ACKR2: variants seen among roughly 807,000 people sequenced by gnomAD.
The protein encoded by ACKR2 is C-C chemokine receptor D6.
For synonymous variants in ACKR2, 207 were observed against 192.2 expected (o/e 1.08, Z -0.64); for missense variants, 457 against 477.3 (o/e 0.96, Z 0.40).
At chr3:42,832,611 C>A (rs1039919867) in intron 2 of ACKR2, among the ~76,000 whole-genome samples, 1 of 152,148 alleles carries the variant, frequency 6.6e-6, no homozygotes, top group Non-Finnish European at 1.5e-5. Context: ...ACTCCATCAC[C>A]GCATACGGAA....
chr3:42,830,474 G>T (rs544697033), intron 2 of ACKR2, among the ~76,000 whole-genome samples: 1 of 152,134 alleles, frequency 6.6e-6, no homozygotes, highest in South Asian at 2.1e-4. Flanking sequence ...CCCTAAAAGT[G>T]GCAAAATCTT....
chr3:42,823,586 T>TA (rs914740039), intron 2 of ACKR2, among the ~76,000 whole-genome samples: 2 of 152,196 alleles, frequency 1.3e-5, no homozygotes, highest in African/African-American at 4.8e-5. Flanking sequence ...AAGCAGAACT[T>TA]ACCCTCTTTG....
intron 2 of ACKR2, among the ~76,000 whole-genome samples, chr3:42,828,092 A>ATATATATATT (rs1193533555): frequency 7.6e-4 from 93 of 121,884 alleles, no homozygotes; most frequent in Non-Finnish European, 1.2e-3. Context: ...ATATATATAT[A>ATATATATATT]TTTTTTTTTT....
intron 1 of ACKR2, among the ~76,000 whole-genome samples, chr3:42,817,765 AAAC>A (rs1700767600): frequency 6.6e-6 from 1 of 152,182 alleles, no homozygotes; most frequent in Non-Finnish European, 1.5e-5. Context: ...CACGCTACTG[AAAC>A]AACAATAGTA....
In ACKR2 at chr3:42,816,994, G is replaced by C. The variant is rs1299828330; in HGVS notation, c.-118-2637G>C. Among the ~76,000 whole-genome samples the C allele has an allele frequency of 3.3e-5, 5 of 152,098 alleles. No homozygotes were observed. The South Asian group carries it at 1.0e-3, about 32-fold the overall frequency. ...TACCAGGCCTGAAGTCAAAAGACAC[G>C]GCTTTGAATAACAGCTTAAATGCTT... On this transcript the variant is annotated intron_variant, in intron 1 of 2. Coordinates refer to ENST00000422265, the MANE Select transcript of ACKR2 (RefSeq NM_001296.5).
chr3:42,824,613 T>A lies in ACKR2; in HGVS notation c.-38+4902T>A, dbSNP rs115175968. ...CAATATATGGACTTTTGTATCAGAT[T>A]TCTTTTACATTGTATAATGTTTTCA... On this transcript the variant is annotated intron_variant, in intron 2 of 2. Transcript: ENST00000422265. 3.1e-3 allele frequency among the ~76,000 whole-genome samples: 465 copies of A among 152,282 alleles called. 3 individuals are homozygous for A. The highest frequency in any genetic ancestry group is 0.011 in the African/African-American group (441 of 41,544).
intron 2 of ACKR2, among the ~76,000 whole-genome samples, chr3:42,820,517 T>A (rs191998826): frequency 6.9e-6 from 1 of 144,902 alleles, no homozygotes; most frequent in African/African-American, 2.6e-5. Flanking sequence ...GGCATGAACC[T>A]GGGAGGCGGA....
intron 2 of ACKR2, among the ~76,000 whole-genome samples, chr3:42,848,561 G>A (rs953772881): frequency 6.6e-6 from 1 of 152,062 alleles, no homozygotes; most frequent in Non-Finnish European, 1.5e-5. Flanking sequence ...CATGTAGAAA[G>A]AATTCTAATT....
chr3:42,827,550 T>C (rs1700881274), intron 2 of ACKR2, among the ~76,000 whole-genome samples: 1 of 152,188 alleles, frequency 6.6e-6, no homozygotes, highest in Non-Finnish European at 1.5e-5. Context: ...ATTGAGCACT[T>C]TGTCAATCCA....
At chr3:42,836,699 C>T (rs140657333) in intron 2 of ACKR2, among the ~76,000 whole-genome samples, 11 of 152,264 alleles carry the variant, frequency 7.2e-5, no homozygotes, top group African/African-American at 1.9e-4. Flanking sequence ...CAAAGCCCTG[C>T]GACAGTTTTA....
rs1239897362 is a variant in ACKR2 at position 42,864,948 on chromosome 3, C to G, written c.446C>G (p.Ala149Gly). 8.1e-6 allele frequency: 13 copies of G among 1,614,186 alleles called. No homozygotes were observed. The highest frequency in any genetic ancestry group is 1.1e-5 in the Non-Finnish European group (13 of 1,180,032). ...GACAAGTACCTGGAGATCGTTCATG[C>G]TCAGCCCTACCACAGGCTGAGGACC... Reference protein sequence around the residue: ...SLDKYLEIVHAQPYHRLRTRA... With the variant: ...SLDKYLEIVHGQPYHRLRTRA... Residue 149 changes from alanine to glycine, a missense_variant, in exon 3 of 3, where the codon GCT becomes GGT. By Grantham distance (60) the Ala-to-Gly change is moderately conservative (BLOSUM62 0). Coordinates refer to ENST00000422265, the MANE Select transcript of ACKR2 (RefSeq NM_001296.5).
intron 2 of ACKR2, among the ~76,000 whole-genome samples, chr3:42,828,094 T>TATATATA (rs533091556): frequency 0.013 from 943 of 71,410 alleles, 7 homozygotes; most frequent in African/African-American, 0.041. Context: ...ATATATATAT[T>TATATATA]TTTTTTTTTT....
chr3:42,864,394 C>G (rs2088412398), intron 2 of ACKR2, 72 bp from the exon 3 acceptor site: 1 of 1,390,630 alleles, frequency 7.2e-7, no homozygotes, highest in Non-Finnish European at 9.6e-7. Context: ...ATTGGACATC[C>G]CAGGGCAGCA....
At chr3:42,815,584 A>G (rs1328221876) in intron 1 of ACKR2, among the ~76,000 whole-genome samples, 1 of 152,224 alleles carries the variant, frequency 6.6e-6, no homozygotes, top group East Asian at 1.9e-4. Flanking sequence ...TGTATTTAAA[A>G]CTTGCCTAAA....
intron 2 of ACKR2, among the ~76,000 whole-genome samples, chr3:42,820,213 G>A (rs2125603936): frequency 6.6e-6 from 1 of 152,280 alleles, no homozygotes; most frequent in East Asian, 1.9e-4. Flanking sequence ...AGCTCTGGAA[G>A]AAAAATGGGT....
In ACKR2 at chr3:42,866,651, C is replaced by T. The variant is rs2088438042; in HGVS notation, c.*994C>T. The T allele has an allele frequency of 6.0e-6, 1 of 167,058 alleles. No homozygotes were observed. The highest frequency in any genetic ancestry group is 2.4e-5 in the African/African-American group (1 of 41,426). 10.3% of individuals were successfully genotyped at this position (167,058 alleles called of 1,614,324 possible). The stretch of plus-strand genomic sequence containing the variant: ...TCTCGGCCTTTACTTCCGCCTCCCT[C>T]AGAGCAGCAGCCTGTCAAAACACCA... On this transcript the variant is annotated 3_prime_UTR_variant, in exon 3 of 3. Transcript: ENST00000422265.
chr3:42,859,084 C>G (rs1456714379), intron 2 of ACKR2, among the ~76,000 whole-genome samples: 2 of 152,112 alleles, frequency 1.3e-5, no homozygotes, highest in Non-Finnish European at 2.9e-5. Context: ...GGAATGGAAC[C>G]AAGTTGGAAA....
chr3:42,817,889 C>T (rs1198916289), intron 1 of ACKR2, among the ~76,000 whole-genome samples: 1 of 152,218 alleles, frequency 6.6e-6, no homozygotes, highest in Non-Finnish European at 1.5e-5. Context: ...TCTCATTCTC[C>T]TTCCAGTCTG....
At position 42,865,386 on chromosome 3, in the gene ACKR2, A is replaced by G. The variant is rs1425931453; in HGVS notation, c.884A>G (p.Gln295Arg). The change falls in exon 3 of 3, where the codon CAG (glutamine) becomes CGG (arginine). Residue 295 changes from glutamine (Q) to arginine (R), a missense_variant. Coordinates refer to ENST00000422265, the MANE Select transcript of ACKR2 (RefSeq NM_001296.5). Reference protein sequence around the residue: ...EVSQHLDYALQVTESIAFLHC... With the variant: ...EVSQHLDYALRVTESIAFLHC... ...AGCCAGCATCTAGACTACGCACTCC[A>G]GGTAACAGAGAGCATCGCCTTCCTT... The G allele has an allele frequency of 1.9e-6, 3 of 1,614,152 alleles. No individual in the cohort carries two copies. Among genetic ancestry groups the G allele is most frequent in the East Asian group, 2.2e-5 (1 of 44,876 alleles).
Sources: gnomAD v4.1 joint callset for allele counts (sites outside exome capture counted in the v4.1 genomes callset) on GRCh38, gnomAD v4.1.1 for gene constraint, MANE v1.5 for transcripts, NCBI Gene and HGNC (gene_info 2026-07-23, HGNC 2026-07-21) for gene names.